The following FGF13 variants were observed in gnomAD, a reference collection of about 807,000 sequenced individuals.
FGF13 encodes fibroblast growth factor homologous factor 2.
A neutral mutation model predicts 19.5 loss-of-function variants in FGF13; 2 were observed. The observed-to-expected ratio is 0.10, with a 90% CI of 0.04 to 0.32. The LOEUF is 0.32. FGF13 is among the 10% of genes least tolerant of loss of function. The pLI, the probability that FGF13 is intolerant of heterozygous loss-of-function variation, is 1.00. For synonymous variants in FGF13, 72 were observed against 76.9 expected, an observed-to-expected ratio of 0.94 and a Z score of 0.33; for missense variants, 113 against 192.7, an observed-to-expected ratio of 0.59 and a Z score of 2.45.
At chrX:138,686,608 T>C (rs1051536445) in intron 3 of FGF13, among the ~76,000 whole-genome samples, 10 of 111,978 alleles carry the variant, frequency 8.9e-5, no homozygotes, top group Admixed American at 1.9e-4. Context: ...GATCTTAATA[T>C]ACTTACGCCT....
At chrX:138,889,700 C>T in intron 1 of FGF13, among the ~76,000 whole-genome samples, 1 of 111,342 alleles carries the variant, frequency 9.0e-6, no homozygotes, top group East Asian at 2.9e-4. Flanking sequence ...AAAAATCATT[C>T]TCATTCATAT....
intron 3 of FGF13, among the ~76,000 whole-genome samples, chrX:138,746,547 A>G (rs1488559864): frequency 8.9e-6 from 1 of 112,104 alleles, no homozygotes; most frequent in African/African-American, 3.2e-5. Context: ...CACAATGCAG[A>G]TGGACCTCAC....
At chrX:138,861,581 C>T (rs2091288293) in intron 2 of FGF13, among the ~76,000 whole-genome samples, 1 of 112,088 alleles carries the variant, frequency 8.9e-6, no homozygotes, top group African/African-American at 3.2e-5. Context: ...AATGCCACTC[C>T]TTTGTTTTAA....
At chrX:139,066,821 CA>C (rs1387072666) in intron 1 of FGF13, among the ~76,000 whole-genome samples, 50 of 98,719 alleles carry the variant, frequency 5.1e-4, no homozygotes, top group African/African-American at 6.6e-4. Flanking sequence ...GAGACACAAC[CA>C]AAAAAAAAAA....
At chrX:139,119,265 G>A (rs2083660755) in intron 1 of FGF13, among the ~76,000 whole-genome samples, 1 of 111,757 alleles carries the variant, frequency 8.9e-6, no homozygotes, top group Non-Finnish European at 1.9e-5. Context: ...CTTTCGCACT[G>A]GGAGCTTGCA....
intron 1 of FGF13, among the ~76,000 whole-genome samples, chrX:138,978,266 G>GTTTTT (rs10666140): frequency 0.057 from 4,722 of 82,772 alleles, 326 homozygotes; most frequent in Non-Finnish European, 0.07. Flanking sequence ...AGCTGCCCTG[G>GTTTTT]TTTTTTTTTT....
At chrX:138,894,211 C>T (rs762111471) in intron 1 of FGF13, among the ~76,000 whole-genome samples, 2 of 109,971 alleles carry the variant, frequency 1.8e-5, no homozygotes, top group Non-Finnish European at 3.8e-5. Flanking sequence ...ACTAAAGGAC[C>T]TGTAGTATCT....
At chrX:138,816,925 T>A (rs763033892) in intron 3 of FGF13, among the ~76,000 whole-genome samples, 4 of 112,196 alleles carry the variant, frequency 3.6e-5, no homozygotes, top group African/African-American at 9.7e-5. Context: ...TCAGGACCCC[T>A]ATTGTCATAG....
chrX:139,034,373 TG>T lies in FGF13; in HGVS notation c.-113+169042del, dbSNP rs2092243610. Among the ~76,000 whole-genome samples the T allele has an allele frequency of 4.5e-5, 5 of 111,149 alleles. No individual in the cohort carries two copies. In the South Asian group the frequency reaches 1.9e-3, roughly 42 times the overall value. On this transcript the variant is annotated intron_variant, in intron 1 of 2. Transcript: ENST00000421460. ...AAAGAATGAAGGGGAGTGAGTTAGC[TG>T]GGTGAATGGGGGAAGTGGGGAGATA...
intron 3 of FGF13, among the ~76,000 whole-genome samples, chrX:138,760,787 A>G: frequency 8.9e-6 from 1 of 111,876 alleles, no homozygotes; most frequent in Non-Finnish European, 1.9e-5. Flanking sequence ...TACCATGAGG[A>G]CTTTATTGAC....
At chrX:139,159,965 G>A (rs954767895) in intron 1 of FGF13, among the ~76,000 whole-genome samples, 2 of 111,285 alleles carry the variant, frequency 1.8e-5, no homozygotes, top group African/African-American at 6.6e-5. Flanking sequence ...TTCACGACTT[G>A]AACTCAGCTC....
At chrX:138,721,574 C>T (rs949240860) in intron 1 of FGF13, among the ~76,000 whole-genome samples, 10 of 110,623 alleles carry the variant, frequency 9.0e-5, no homozygotes, top group East Asian at 5.7e-4. Context: ...ATAGAAATAA[C>T]GGATAAAATA....
At chrX:139,087,680 T>G (rs2083413224) in intron 1 of FGF13, among the ~76,000 whole-genome samples, 1 of 111,560 alleles carries the variant, frequency 9.0e-6, no homozygotes, top group African/African-American at 3.3e-5. Flanking sequence ...CCACACCTTC[T>G]CGGCCCTACC....
At chrX:139,189,906 T>A (rs922922624) in intron 1 of FGF13, among the ~76,000 whole-genome samples, 5 of 112,223 alleles carry the variant, frequency 4.5e-5, no homozygotes, top group Non-Finnish European at 9.4e-5. Context: ...GTTATAATGT[T>A]ACATGGTGTA....
At chrX:139,003,843 A>G (rs2092086794) in intron 1 of FGF13, among the ~76,000 whole-genome samples, 1 of 111,577 alleles carries the variant, frequency 9.0e-6, no homozygotes, top group South Asian at 3.9e-4. Flanking sequence ...CAGAATGTCG[A>G]TTGGTGCACT....
intron 1 of FGF13, among the ~76,000 whole-genome samples, chrX:138,920,839 C>A (rs1309735465): frequency 9.0e-6 from 1 of 111,447 alleles, no homozygotes; most frequent in Admixed American, 9.6e-5. Context: ...CTTGGCAAGT[C>A]TCTATGAACT....
rs187615866 is a variant in FGF13 at position 138,623,074 on chromosome X, C to T, written c.*9776G>A. Reference sequence around the variant, plus strand: ...TTTATTTTTTGGATAGTTCATTGTTCGTGTGAAGAAACAACTGATTTTTAT... The same window carrying T: ...TTTATTTTTTGGATAGTTCATTGTTTGTGTGAAGAAACAACTGATTTTTAT... On this transcript the variant is annotated 3_prime_UTR_variant, in exon 5 of 5. Coordinates refer to ENST00000315930, the MANE Select transcript of FGF13 (RefSeq NM_004114.5). 86 of 110,616 alleles carry T rather than the reference C, an allele frequency of 7.8e-4. No individual in the cohort carries two copies. The highest frequency in any genetic ancestry group is 2.5e-3 in the African/African-American group (75 of 30,494). The allele number at this position is 110,616 out of a possible 1,213,427, so 9.1% of individuals were successfully genotyped here.
intron 1 of FGF13, among the ~76,000 whole-genome samples, chrX:139,168,760 C>T (rs1426754797): frequency 8.9e-6 from 1 of 111,812 alleles, no homozygotes; most frequent in South Asian, 3.7e-4. Context: ...CTGGATTATT[C>T]ACCATAGCAT....
At chrX:138,675,177 T>C (rs1032426018) in intron 3 of FGF13, among the ~76,000 whole-genome samples, 12 of 112,509 alleles carry the variant, frequency 1.1e-4, no homozygotes, top group East Asian at 5.6e-4. Context: ...ATAACTTATG[T>C]TGTCATGAGC....
Sources: allele counts gnomAD v4.1 joint callset (sites outside exome capture counted in the v4.1 genomes callset), GRCh38; gene constraint gnomAD v4.1.1; transcripts MANE v1.5; gene names NCBI Gene and HGNC (gene_info 2026-07-23, HGNC 2026-07-21).